Variants in PRKN observed in about 807,000 individuals in gnomAD.
The protein encoded by PRKN is E3 ubiquitin-protein ligase parkin.
PRKN carries 56 observed loss-of-function variants against 59.5 expected under a neutral mutation model. That is an observed-to-expected ratio of 0.94 (90% CI 0.76 to 1.18). The LOEUF is 1.18. Among genes scored for constraint, PRKN ranks in the 50% most tolerant of loss-of-function variants. PRKN has a pLI of 0.00. For missense variants in PRKN, 657 were observed against 596.4 expected (o/e 1.10, Z -1.06); for synonymous variants, 250 against 222.1 (o/e 1.13, Z -1.12).
intron 7 of PRKN, among the ~76,000 whole-genome samples, chr6:161,672,122 C>G (rs1434353360): frequency 1.3e-5 from 2 of 152,106 alleles, no homozygotes; most frequent in Non-Finnish European, 2.9e-5. Context: ...ATTATTCGAC[C>G]TGCAGGTTAT....
At chr6:161,995,475 T>C (rs1781806885) in intron 5 of PRKN, among the ~76,000 whole-genome samples, 1 of 151,992 alleles carries the variant, frequency 6.6e-6, no homozygotes. Flanking sequence ...AAACAACCTG[T>C]AGAATGGGAG....
At chr6:161,945,516 A>G (rs1280147063) in intron 6 of PRKN, among the ~76,000 whole-genome samples, 1 of 152,156 alleles carries the variant, frequency 6.6e-6, no homozygotes, top group Non-Finnish European at 1.5e-5. Flanking sequence ...CAAGCTTTCA[A>G]CCATTCCCAC....
In PRKN at chr6:162,709,744, T is replaced by C. The variant is rs561719815; in HGVS notation, c.7+17918A>G. ...GATACACATACCATTAGCTTCCAAA[T>C]AGGGTAAGATGATATCTCAGACCTG... On this transcript the variant is annotated intron_variant, in intron 1 of 11. Coordinates refer to ENST00000366898, the MANE Select transcript of PRKN (RefSeq NM_004562.3). Among the ~76,000 whole-genome samples the C allele has an allele frequency of 3.3e-5, 5 of 152,134 alleles. 1 individual carries two copies. Among genetic ancestry groups the C allele is most frequent in the Non-Finnish European group, 7.4e-5 (5 of 68,022 alleles).
At chr6:162,469,570 G>A (rs1437313268) in intron 1 of PRKN, among the ~76,000 whole-genome samples, 2 of 151,770 alleles carry the variant, frequency 1.3e-5, no homozygotes, top group African/African-American at 2.4e-5. Flanking sequence ...TGAATTAATG[G>A]CATTTGCAGC....
chr6:161,400,060 C>T lies in PRKN; in HGVS notation c.1084-13183G>A, dbSNP rs1786955049. 6.6e-6 allele frequency among the ~76,000 whole-genome samples: 1 copy of T among 152,080 alleles called. No homozygotes were observed. Among genetic ancestry groups the T allele is most frequent in the Non-Finnish European group, 1.5e-5 (1 of 68,030 alleles). On this transcript the variant is annotated intron_variant, in intron 9 of 11. Coordinates refer to ENST00000366898, the MANE Select transcript of PRKN (RefSeq NM_004562.3). This position sits in a 1 kb window ranked among gnomAD's most constrained non-coding sequence, Gnocchi z 4.2. ...CATCTCAGTTGGGACTAGCCCTATT[C>T]TATGGGCTCAGGAGCCTCACGTGGG...
chr6:161,907,849 G>C (rs575815497), intron 6 of PRKN, among the ~76,000 whole-genome samples: 10 of 152,102 alleles, frequency 6.6e-5, no homozygotes, highest in African/African-American at 2.4e-4. Context: ...AGGCCAAGGC[G>C]GGTGGATCAC....
chr6:161,895,614 CCCA>C (rs879594398), intron 6 of PRKN, among the ~76,000 whole-genome samples: 2,137 of 121,656 alleles, frequency 0.018, 7 homozygotes, highest in South Asian at 0.04. Flanking sequence ...GCACGCCCAC[CCCA>C]CCTGCTGTTA....
At chr6:161,997,693 A>C (rs766025593) in intron 5 of PRKN, among the ~76,000 whole-genome samples, 2 of 152,110 alleles carry the variant, frequency 1.3e-5, no homozygotes, top group Non-Finnish European at 2.9e-5. Flanking sequence ...TACATGTACA[A>C]ATCTAGTTTC....
intron 9 of PRKN, among the ~76,000 whole-genome samples, chr6:161,532,740 T>A (rs551563691): frequency 1.1e-4 from 16 of 152,164 alleles, no homozygotes; most frequent in Non-Finnish European, 2.1e-4. Context: ...CTTTCCTGTC[T>A]TTCACTTTTT....
intron 3 of PRKN, among the ~76,000 whole-genome samples, chr6:162,222,033 TGCAATGTTTTACA>T (rs1460494187): frequency 6.6e-6 from 1 of 152,158 alleles, no homozygotes; most frequent in Non-Finnish European, 1.5e-5. Context: ...GTAGATTTAA[TGCAATGTTTTACA>T]GGTAAAACAT....
chr6:162,052,769 G>A (rs1777694903), intron 5 of PRKN, among the ~76,000 whole-genome samples: 1 of 150,164 alleles, frequency 6.7e-6, no homozygotes, highest in Admixed American at 6.7e-5. Context: ...TACATAGAAT[G>A]TTGACCCTAA....
At chr6:162,466,475 T>C (rs1361343746) in intron 1 of PRKN, among the ~76,000 whole-genome samples, 1 of 152,196 alleles carries the variant, frequency 6.6e-6, no homozygotes, top group Non-Finnish European at 1.5e-5. Flanking sequence ...CATGGCTCAC[T>C]GCAGCCTTGA....
chr6:162,069,472 T>C (rs1231201333), intron 4 of PRKN, among the ~76,000 whole-genome samples: 8 of 152,178 alleles, frequency 5.3e-5, no homozygotes, highest in Non-Finnish European at 2.9e-5. Flanking sequence ...AACCAGAAAC[T>C]GAGTTTCTGT....
chr6:161,485,167 C>T (rs995793012), intron 9 of PRKN, among the ~76,000 whole-genome samples: 2 of 152,186 alleles, frequency 1.3e-5, no homozygotes, highest in Non-Finnish European at 2.9e-5. Context: ...TGTACCGAGC[C>T]AGTCATTCAG....
chr6:161,393,025 C>T lies in PRKN; in HGVS notation c.1084-6148G>A, dbSNP rs1199794884. ...ATGTAGATTAGTGTTTAGAAGTGAA[C>T]CCTTTGAGGTAGAGAGACCCGGAGT... On this transcript the variant is annotated intron_variant, in intron 9 of 11. Coordinates refer to ENST00000366898, the MANE Select transcript of PRKN (RefSeq NM_004562.3). The surrounding 1 kb of genome is among the most constrained non-coding windows in gnomAD (Gnocchi z 4.7). Among the ~76,000 whole-genome samples the T allele has an allele frequency of 6.6e-6, 1 of 152,028 alleles. No homozygotes were observed. Among genetic ancestry groups the T allele is most frequent in the Non-Finnish European group, 1.5e-5 (1 of 68,022 alleles).
At chr6:162,289,907 T>C (rs1208446803) in intron 2 of PRKN, among the ~76,000 whole-genome samples, 4 of 152,106 alleles carry the variant, frequency 2.6e-5, no homozygotes, top group Non-Finnish European at 5.9e-5. Context: ...TGTGACTGCA[T>C]ATCTAAGTCC....
chr6:162,606,284 T>C (rs1583894119), intron 1 of PRKN, among the ~76,000 whole-genome samples: 2 of 152,302 alleles, frequency 1.3e-5, no homozygotes, highest in South Asian at 4.1e-4. Context: ...ACTTACAAAA[T>C]ATTATAGCTT....
At chr6:161,408,977 G>A (rs1031669847) in intron 9 of PRKN, among the ~76,000 whole-genome samples, 5 of 151,986 alleles carry the variant, frequency 3.3e-5, no homozygotes, top group Non-Finnish European at 5.9e-5. Flanking sequence ...ACAGAGTCTC[G>A]CTCTGTTGCC....
At chr6:161,491,100 C>T (rs115779420) in intron 9 of PRKN, among the ~76,000 whole-genome samples, 387 of 152,208 alleles carry the variant, frequency 2.5e-3, no homozygotes, top group African/African-American at 8.8e-3. Context: ...TATAGCAGTG[C>T]GAGGATGAAC....
Sources: gnomAD v4.1 joint callset for allele counts (sites outside exome capture counted in the v4.1 genomes callset) on GRCh38, gnomAD v4.1.1 for gene constraint, Gnocchi (gnomAD v3.1) non-coding constraint, MANE v1.5 for transcripts, NCBI Gene and HGNC (gene_info 2026-07-23, HGNC 2026-07-21) for gene names.